Variants in SLC25A12 observed in about 807,000 individuals in gnomAD.
The protein encoded by SLC25A12 is solute carrier family 25 member 12, also known as electrogenic aspartate/glutamate antiporter SLC25A12, mitochondrial.
In SLC25A12, 32 loss-of-function variants were observed where a neutral mutation model predicts 83.3. The observed-to-expected ratio is 0.38, with a 90% CI of 0.29 to 0.52. The LOEUF (loss-of-function observed/expected upper bound fraction) is 0.52, where lower values mean the gene tolerates loss of function less well. Ranked by LOEUF, SLC25A12 falls within the 20% of genes least tolerant of loss-of-function variation. SLC25A12 has a pLI of 0.84. For synonymous variants in SLC25A12, 267 were observed against 291.1 expected (o/e 0.92, Z 0.84); for missense variants, 611 against 835.6 (o/e 0.73, Z 3.31).
At chr2:171,792,290 ATT>A (rs5836350) in intron 14 of SLC25A12, among the ~76,000 whole-genome samples, 1 of 143,244 alleles carries the variant, frequency 7.0e-6, no homozygotes. Context: ...ATTCTTTTTA[ATT>A]TTTTTTTTTT....
At chr2:171,863,337 G>A (rs2105912008) in intron 3 of SLC25A12, among the ~76,000 whole-genome samples, 1 of 152,192 alleles carries the variant, frequency 6.6e-6, no homozygotes, top group Non-Finnish European at 1.5e-5. Flanking sequence ...AACAAGCCTG[G>A]CCAAATGGTG....
intron 3 of SLC25A12, among the ~76,000 whole-genome samples, chr2:171,865,906 G>A (rs1356309871): frequency 1.3e-5 from 2 of 150,312 alleles, no homozygotes; most frequent in Non-Finnish European, 3.0e-5. Context: ...ATTTGGCAGG[G>A]TCATAGGACA....
chr2:171,849,856 C>T (rs879707535), intron 4 of SLC25A12, among the ~76,000 whole-genome samples: 1 of 151,866 alleles, frequency 6.6e-6, no homozygotes, highest in Admixed American at 6.6e-5. Context: ...GTGCCCGGCC[C>T]AGTGGCGTGA....
In SLC25A12 at chr2:171,850,981, G is replaced by C. The variant is rs959523836; in HGVS notation, c.325+4853C>G. Among the ~76,000 whole-genome samples, 3 of 152,144 alleles carry C rather than the reference G, an allele frequency of 2.0e-5. No homozygotes were observed. In the East Asian group the frequency reaches 5.8e-4, roughly 29 times the overall value. On this transcript the variant is annotated intron_variant, in intron 4 of 17. Coordinates refer to ENST00000422440, the MANE Select transcript of SLC25A12 (RefSeq NM_003705.5). ...CTATATGTATTAATGGTCAAACATA[G>C]TACTACATTTAAAGGAATCTCTGCT...
In SLC25A12 at chr2:171,785,258, C is replaced by T; in HGVS notation, c.*16G>A. On this transcript the variant is annotated 3_prime_UTR_variant, in exon 18 of 18. Coordinates refer to ENST00000422440, the MANE Select transcript of SLC25A12 (RefSeq NM_003705.5). ...TTCTTCAAGGCGCCATTTTGCCACA[C>T]TCAACAGTTGTCTCATCACTGAGTG... The T allele has an allele frequency of 2.5e-6, 4 of 1,613,814 alleles. No homozygotes were observed. The highest frequency in any genetic ancestry group is 3.4e-6 in the Non-Finnish European group (4 of 1,179,836).
chr2:171,848,255 C>A, intron 4 of SLC25A12: 1 of 471,156 alleles, frequency 2.1e-6, no homozygotes, highest in Non-Finnish European at 4.4e-6. Context: ...GCTGTACCAA[C>A]GGTGTGGCCA....
At position 171,820,495 on chromosome 2, in the gene SLC25A12, G is replaced by C. The variant is rs377042050; in HGVS notation, c.931-5293C>G. On this transcript the variant is annotated intron_variant, in intron 9 of 17. Transcript: ENST00000422440. ...TGTAATCCCAACACTTTGGGAGGCC[G>C]AGGCGGGCGGATCACGAGGTCAGGA... Among the ~76,000 whole-genome samples, 729 of 150,280 alleles carry C rather than the reference G, an allele frequency of 4.9e-3. 10 individuals carry two copies. Among genetic ancestry groups the C allele is most frequent in the African/African-American group, 0.017 (686 of 41,124 alleles).
intron 2 of SLC25A12, among the ~76,000 whole-genome samples, chr2:171,876,221 T>G (rs892939017): frequency 4.6e-5 from 7 of 152,186 alleles, no homozygotes; most frequent in Admixed American, 3.9e-4. Flanking sequence ...TATTTTAACT[T>G]AATTTTAACT....
intron 4 of SLC25A12, among the ~76,000 whole-genome samples, chr2:171,847,742 CAT>C (rs1246968009): frequency 6.6e-6 from 1 of 152,118 alleles, no homozygotes; most frequent in Admixed American, 6.5e-5. Flanking sequence ...AGTTTTCTGA[CAT>C]ATAGAAAACA....
intron 3 of SLC25A12, among the ~76,000 whole-genome samples, chr2:171,864,741 T>C (rs1685247595): frequency 6.6e-6 from 1 of 152,224 alleles, no homozygotes; most frequent in Non-Finnish European, 1.5e-5. Flanking sequence ...TCTTCTGTGA[T>C]GCTGTCCTGA....
intron 13 of SLC25A12, among the ~76,000 whole-genome samples, chr2:171,803,255 AG>A (rs1168395070): frequency 3.9e-5 from 6 of 152,170 alleles, no homozygotes; most frequent in African/African-American, 1.4e-4. Context: ...CAGAAAAAAA[AG>A]GCATACATCT....
At chr2:171,827,313 T>C (rs1430169693) in intron 8 of SLC25A12, among the ~76,000 whole-genome samples, 2 of 152,162 alleles carry the variant, frequency 1.3e-5, no homozygotes, top group Non-Finnish European at 2.9e-5. Flanking sequence ...TTTTTTTTTT[T>C]TTCCAACGAT....
intron 5 of SLC25A12, among the ~76,000 whole-genome samples, chr2:171,840,938 G>C (rs563827452): frequency 6.6e-6 from 1 of 152,300 alleles, no homozygotes; most frequent in East Asian, 1.9e-4. Context: ...TTAAGAATGA[G>C]AATGGCACTG....
chr2:171,893,150 G>T, intron 2 of SLC25A12, 55 bp downstream of exon 2: 2 of 1,385,220 alleles, frequency 1.4e-6, no homozygotes, highest in Non-Finnish European at 1.0e-6. Flanking sequence ...TAGGACTAAG[G>T]ACATGTACGT....
chr2:171,849,387 G>A (rs557823321), intron 4 of SLC25A12, among the ~76,000 whole-genome samples: 6 of 147,196 alleles, frequency 4.1e-5, no homozygotes, highest in East Asian at 2.0e-4. Flanking sequence ...TGCAATATCC[G>A]AAAGCAACAC....
intron 17 of SLC25A12, among the ~76,000 whole-genome samples, chr2:171,786,203 G>A (rs960755927): frequency 2.7e-4 from 41 of 150,694 alleles, no homozygotes; most frequent in Non-Finnish European, 4.9e-4. Context: ...GTGAGACCCC[G>A]TCTCTACTAA....
chr2:171,868,722 G>T lies in SLC25A12; in HGVS notation c.168C>A (p.Ile56=). The T allele has an allele frequency of 1.2e-6, 2 of 1,613,942 alleles. No homozygotes were observed. The highest frequency in any genetic ancestry group is 8.5e-7 in the Non-Finnish European group (1 of 1,179,882). ...CAGCTACTCCTGCCAAGAGCTGCAC[G>T]ATCTTTGGGTTACTATTTGGATCAT... ...LYNDPNSNPK[I]VQLLAGVADQ... The change falls in exon 3 of 18, where the codon ATC becomes ATA. Residue 56 remains isoleucine, a synonymous_variant. Coordinates refer to ENST00000422440, the MANE Select transcript of SLC25A12 (RefSeq NM_003705.5).
intron 9 of SLC25A12, among the ~76,000 whole-genome samples, chr2:171,820,811 T>C (rs1262054348): frequency 6.6e-6 from 1 of 151,622 alleles, no homozygotes; most frequent in African/African-American, 2.4e-5. Flanking sequence ...CTGGTTTTAA[T>C]ATCCAAACTG....
At chr2:171,868,889 G>T (rs2105917945) in intron 2 of SLC25A12, 66 bp from the exon 3 acceptor site, 1 of 1,372,642 alleles carries the variant, frequency 7.3e-7, no homozygotes, top group Non-Finnish European at 1.0e-6. Context: ...CCAATAAATG[G>T]TTTGTGAAAA....
Sources: allele counts gnomAD v4.1 joint callset (sites outside exome capture counted in the v4.1 genomes callset), GRCh38; gene constraint gnomAD v4.1.1; transcripts MANE v1.5; gene names NCBI Gene and HGNC (gene_info 2026-07-23, HGNC 2026-07-21).